The following TRAF3IP1 variants were observed in gnomAD, a reference collection of about 807,000 sequenced individuals.
TRAF3IP1 encodes intraflagellar transport 54.
Under a neutral mutation model 89.9 loss-of-function variants are expected in TRAF3IP1, and 53 were observed. The ratio of observed to expected loss-of-function variants is 0.59; its 90% CI spans 0.47 to 0.74. TRAF3IP1 has a LOEUF of 0.74. Among genes scored for constraint, TRAF3IP1 ranks in the 30% least tolerant of loss-of-function variants. The pLI, the probability that TRAF3IP1 is intolerant of heterozygous loss-of-function variation, is 0.00. For missense variants in TRAF3IP1, 806 were observed against 866.1 expected (o/e 0.93, Z 0.87); for synonymous variants, 311 against 322.1 (o/e 0.97, Z 0.37).
At chr2:238,391,059 A>G (rs903801908) in intron 15 of TRAF3IP1, among the ~76,000 whole-genome samples, 2 of 152,112 alleles carry the variant, frequency 1.3e-5, no homozygotes, top group African/African-American at 4.8e-5. Context: ...GGCTCAGGCA[A>G]TCCTCCCTGC....
intron 15 of TRAF3IP1, among the ~76,000 whole-genome samples, chr2:238,359,635 A>C (rs1200976561): frequency 6.6e-6 from 1 of 152,194 alleles, no homozygotes; most frequent in Non-Finnish European, 1.5e-5. Context: ...GTTGATGAAC[A>C]TTTGAGTTGC....
At chr2:238,372,534 A>G (rs1035188116) in intron 15 of TRAF3IP1, among the ~76,000 whole-genome samples, 2 of 152,176 alleles carry the variant, frequency 1.3e-5, no homozygotes, top group African/African-American at 4.8e-5. Flanking sequence ...TCTATCATTG[A>G]TGGACATTTG....
intron 15 of TRAF3IP1, among the ~76,000 whole-genome samples, chr2:238,393,033 C>T (rs1378802137): frequency 1.3e-5 from 2 of 152,198 alleles, no homozygotes; most frequent in East Asian, 3.8e-4. Context: ...TTTCTATAAA[C>T]ATGAATTTTC....
At chr2:238,377,840 T>G (rs1472003645) in intron 15 of TRAF3IP1, among the ~76,000 whole-genome samples, 1 of 152,236 alleles carries the variant, frequency 6.6e-6, no homozygotes, top group Non-Finnish European at 1.5e-5. Flanking sequence ...TGGGAAATAC[T>G]TAAACCATTG....
intron 1 of TRAF3IP1, among the ~76,000 whole-genome samples, chr2:238,322,196 A>G (rs1266185049): frequency 6.6e-6 from 1 of 152,254 alleles, no homozygotes; most frequent in Non-Finnish European, 1.5e-5. Flanking sequence ...AACAAGAGCC[A>G]GTGTGAGCCC....
At chr2:238,394,275 C>G (rs1157240671) in intron 15 of TRAF3IP1, among the ~76,000 whole-genome samples, 1 of 152,134 alleles carries the variant, frequency 6.6e-6, no homozygotes, top group African/African-American at 2.4e-5. Context: ...TATTGTAGTT[C>G]CTTTGCCTTT....
chr2:238,392,696 C>T (rs540992429), intron 15 of TRAF3IP1, among the ~76,000 whole-genome samples: 1 of 152,362 alleles, frequency 6.6e-6, no homozygotes, highest in South Asian at 2.1e-4. Context: ...TCTGCCTCAG[C>T]CTCCCGAGTA....
At chr2:238,360,986 T>G (rs1431014118) in intron 15 of TRAF3IP1, among the ~76,000 whole-genome samples, 1 of 152,214 alleles carries the variant, frequency 6.6e-6, no homozygotes, top group African/African-American at 2.4e-5. Context: ...CCCTTGTGTC[T>G]CATATGTTGT....
chr2:238,326,770 C>T (rs1229961056), intron 3 of TRAF3IP1, among the ~76,000 whole-genome samples: 1 of 152,058 alleles, frequency 6.6e-6, no homozygotes, highest in Non-Finnish European at 1.5e-5. Context: ...CAAATGGGAA[C>T]AGGTAGGTTT....
At position 238,379,199 on chromosome 2, in the gene TRAF3IP1, C is replaced by T. The variant is rs113174535; in HGVS notation, c.1690-18260C>T. On this transcript the variant is annotated intron_variant, in intron 15 of 16. Transcript: ENST00000373327. This position sits in a 1 kb window ranked among gnomAD's most constrained non-coding sequence, Gnocchi z 4.0. ...GCTGCTGGTCTCTCGGGCCGGACAACCCCCACCCCATTTAAGTCCCTGCCC... is the reference window on the plus strand; with the variant it reads ...GCTGCTGGTCTCTCGGGCCGGACAATCCCCACCCCATTTAAGTCCCTGCCC... Among the ~76,000 whole-genome samples the T allele has an allele frequency of 1.3e-5, 2 of 152,218 alleles. No homozygotes were observed. The highest frequency in any genetic ancestry group is 6.5e-5 in the Admixed American group (1 of 15,286).
chr2:238,322,976 T>C (rs1697632916), intron 1 of TRAF3IP1, among the ~76,000 whole-genome samples: 1 of 152,220 alleles, frequency 6.6e-6, no homozygotes, highest in African/African-American at 2.4e-5. Context: ...CACACATTGC[T>C]ATATTAGTAT....
chr2:238,390,705 CTTACT>C (rs1157458490), intron 15 of TRAF3IP1, among the ~76,000 whole-genome samples: 6 of 152,140 alleles, frequency 3.9e-5, no homozygotes, highest in Non-Finnish European at 5.9e-5. Context: ...CACTGAACTG[CTTACT>C]TTATATTATC....
At chr2:238,375,542 A>G (rs890423905) in intron 15 of TRAF3IP1, among the ~76,000 whole-genome samples, 2 of 152,172 alleles carry the variant, frequency 1.3e-5, no homozygotes, top group African/African-American at 4.8e-5. Flanking sequence ...GGAGTGTTTT[A>G]CTACCAATTA....
chr2:238,359,114 T>C (rs2106335259), intron 15 of TRAF3IP1, among the ~76,000 whole-genome samples: 1 of 152,372 alleles, frequency 6.6e-6, no homozygotes, highest in Admixed American at 6.5e-5. Context: ...TATAGTTTAC[T>C]GATTTCAGCT....
At chr2:238,376,818 A>T (rs532592462) in intron 15 of TRAF3IP1, among the ~76,000 whole-genome samples, 1 of 152,282 alleles carries the variant, frequency 6.6e-6, no homozygotes, top group South Asian at 2.1e-4. Flanking sequence ...GTGTCTGTTG[A>T]GTCTTTTCTG....
In TRAF3IP1 at chr2:238,351,837, GTGTGTGTGTGT is replaced by G. The variant is rs1699170607; in HGVS notation, c.1452-989_1452-979del. Among the ~76,000 whole-genome samples the G allele has an allele frequency of 1.8e-5, 1 of 56,268 alleles. No individual in the cohort carries two copies. Among genetic ancestry groups the G allele is most frequent in the African/African-American group, 1.3e-4 (1 of 7,628 alleles). The allele number at this position is 56,268 out of a possible 152,430, so 36.9% of individuals were successfully genotyped here. On this transcript the variant is annotated intron_variant, in intron 12 of 16. Coordinates refer to ENST00000373327, the MANE Select transcript of TRAF3IP1 (RefSeq NM_015650.4). This position sits in a 1 kb window ranked among gnomAD's most constrained non-coding sequence, Gnocchi z 5.2. ...CACTGAAGCAAGGGAGGATTTTGGTGTGTGTGTGTGTGTGTGTGTGTGTGTGTGTGCGCGCG... is the reference window on the plus strand; with the variant it reads ...CACTGAAGCAAGGGAGGATTTTGGTGGTGTGTGTGTGTGTGTGTGCGCGCG...
intron 15 of TRAF3IP1, among the ~76,000 whole-genome samples, chr2:238,390,175 G>A (rs1700935333): frequency 6.6e-6 from 1 of 152,162 alleles, no homozygotes; most frequent in Non-Finnish European, 1.5e-5. Context: ...AAACACACGT[G>A]GGCTGCCACC....
chr2:238,323,929 G>A lies in TRAF3IP1; in HGVS notation c.124-1377G>A, dbSNP rs192787473. Among the ~76,000 whole-genome samples the A allele has an allele frequency of 3.2e-3, 489 of 152,322 alleles. 1 individual carries two copies. Among genetic ancestry groups the A allele is most frequent in the Non-Finnish European group, 5.3e-3 (360 of 68,030 alleles). ...AGGAGGTACAGGTTACCTGAGGGAA[G>A]GGATGATTAGGGAGAGAACCAAAGC... On this transcript the variant is annotated intron_variant, in intron 1 of 16. Transcript: ENST00000373327.
At chr2:238,321,794 T>A (rs1298781268) in intron 1 of TRAF3IP1, among the ~76,000 whole-genome samples, 1 of 152,160 alleles carries the variant, frequency 6.6e-6, no homozygotes, top group Non-Finnish European at 1.5e-5. Flanking sequence ...AGGATTCAGG[T>A]TGGACTTGCA....
Sources: allele counts gnomAD v4.1 joint callset (sites outside exome capture counted in the v4.1 genomes callset), GRCh38; gene constraint gnomAD v4.1.1; non-coding constraint Gnocchi (gnomAD v3.1); transcripts MANE v1.5; gene names NCBI Gene and HGNC (gene_info 2026-07-23, HGNC 2026-07-21).